Variants in FOCAD observed in about 807,000 individuals in gnomAD.
The protein encoded by FOCAD is focadhesin, also known as KIAA1797.
Under a neutral mutation model 225.6 loss-of-function variants are expected in FOCAD, and 198 were observed. The observed-to-expected ratio is 0.88, with a 90% CI of 0.78 to 0.99. FOCAD has a LOEUF of 0.99. FOCAD is among the 50% of genes least tolerant of loss of function. The pLI is 0.00. For synonymous variants in FOCAD, 897 were observed against 755.0 expected, an observed-to-expected ratio of 1.19 and a Z score of -3.08; for missense variants, 2,713 against 2,123.6, an observed-to-expected ratio of 1.28 and a Z score of -5.46.
chr9:20,948,298 A>G lies in FOCAD; in HGVS notation c.3703A>G (p.Asn1235Asp), dbSNP rs760676647. 4 of 1,611,488 alleles carry G rather than the reference A, an allele frequency of 2.5e-6. No individual in the cohort carries two copies. Among genetic ancestry groups the G allele is most frequent in the Non-Finnish European group, 2.5e-6 (3 of 1,178,324 alleles). ...TTCAGGTTTTGCCCTGGCTTTAGGA[A>G]ACATAGTTCATGGATTGTCTGTGTG... ...QTSGFALALG[N>D]IVHGLSVCGH... Residue 1235 changes from asparagine to aspartate, a missense_variant, in exon 31 of 44, where the codon AAC becomes GAC. Coordinates refer to ENST00000338382, the MANE Select transcript of FOCAD (RefSeq NM_001375567.1).
At chr9:20,668,810 TAAC>T (rs1223642345) in intron 2 of FOCAD, among the ~76,000 whole-genome samples, 2 of 152,178 alleles carry the variant, frequency 1.3e-5, no homozygotes, top group Non-Finnish European at 2.9e-5. Context: ...AGCTCAAAAG[TAAC>T]AACATTCTGG....
intron 15 of FOCAD, among the ~76,000 whole-genome samples, chr9:20,841,265 T>C (rs1027123533): frequency 1.3e-5 from 2 of 151,948 alleles, no homozygotes; most frequent in Non-Finnish European, 2.9e-5. Flanking sequence ...AGTACTTCTG[T>C]GTCCCCTATT....
chr9:20,816,921 G>T (rs1297801386), intron 11 of FOCAD, among the ~76,000 whole-genome samples: 1 of 152,110 alleles, frequency 6.6e-6, no homozygotes, highest in African/African-American at 2.4e-5. Context: ...TGTATGAAAG[G>T]ATGTGCATAG....
At chr9:20,739,346 G>A (rs563401103) in intron 4 of FOCAD, among the ~76,000 whole-genome samples, 2 of 152,294 alleles carry the variant, frequency 1.3e-5, no homozygotes, top group East Asian at 3.9e-4. Flanking sequence ...GCTCACACTT[G>A]TAATCCCAGC....
At chr9:20,982,325 T>C in intron 38 of FOCAD, 32 bp from the exon 39 acceptor site, 1 of 1,468,734 alleles carries the variant, frequency 6.8e-7, no homozygotes, top group African/African-American at 1.4e-5. Flanking sequence ...TTTACACTGT[T>C]TGTTGACATG....
intron 2 of FOCAD, among the ~76,000 whole-genome samples, chr9:20,675,071 T>C (rs936960087): frequency 4.6e-5 from 7 of 152,184 alleles, no homozygotes; most frequent in Non-Finnish European, 7.4e-5. Flanking sequence ...AAGACCCTCT[T>C]TTTCTGGTTA....
At chr9:20,734,476 A>C (rs1387531437) in intron 4 of FOCAD, among the ~76,000 whole-genome samples, 3 of 152,214 alleles carry the variant, frequency 2.0e-5, no homozygotes, top group African/African-American at 7.2e-5. Flanking sequence ...TTTTCCACAT[A>C]GTATGTGATG....
At chr9:20,733,146 A>G (rs1381702179) in intron 4 of FOCAD, among the ~76,000 whole-genome samples, 1 of 152,084 alleles carries the variant, frequency 6.6e-6, no homozygotes, top group Admixed American at 6.5e-5. Flanking sequence ...GTGTACCTCA[A>G]ACTCATAGAG....
chr9:20,802,898 A>G (rs563653945), intron 11 of FOCAD, among the ~76,000 whole-genome samples: 1 of 152,128 alleles, frequency 6.6e-6, no homozygotes, highest in South Asian at 2.1e-4. Flanking sequence ...ATCAGCAGGG[A>G]CTGGTACTTG....
At chr9:20,731,893 A>G (rs1041933046) in intron 4 of FOCAD, among the ~76,000 whole-genome samples, 2 of 152,218 alleles carry the variant, frequency 1.3e-5, no homozygotes, top group Non-Finnish European at 2.9e-5. Flanking sequence ...CTGGGATTAC[A>G]GGTGTGAGCC....
chr9:20,759,837 T>C (rs1214796243), intron 6 of FOCAD, among the ~76,000 whole-genome samples: 3 of 152,210 alleles, frequency 2.0e-5, no homozygotes, highest in Non-Finnish European at 4.4e-5. Flanking sequence ...ACAATACATA[T>C]AGGAGATAAG....
chr9:20,751,899 T>C (rs1000899950), intron 5 of FOCAD, among the ~76,000 whole-genome samples: 5 of 144,514 alleles, frequency 3.5e-5, no homozygotes, highest in African/African-American at 1.3e-4. Flanking sequence ...TGCATTTCTC[T>C]AAGGGCCAGT....
At chr9:20,867,641 A>G (rs1033942660) in intron 18 of FOCAD, among the ~76,000 whole-genome samples, 4 of 152,050 alleles carry the variant, frequency 2.6e-5, no homozygotes, top group African/African-American at 9.7e-5. Flanking sequence ...TCAGCTTTAA[A>G]TTAGTAGATC....
intron 5 of FOCAD, among the ~76,000 whole-genome samples, chr9:20,756,464 G>A (rs954297537): frequency 6.6e-6 from 1 of 152,138 alleles, no homozygotes; most frequent in Non-Finnish European, 1.5e-5. Flanking sequence ...GTTTTTACTT[G>A]TAGCAGTTCT....
intron 10 of FOCAD, among the ~76,000 whole-genome samples, chr9:20,787,707 C>G (rs1490806086): frequency 6.7e-6 from 1 of 149,960 alleles, no homozygotes; most frequent in Non-Finnish European, 1.5e-5. Context: ...TTTCACTCCC[C>G]AAAACAGAAG....
chr9:20,981,669 C>G lies in FOCAD; in HGVS notation c.4621C>G (p.Leu1541Val). 6.2e-7 allele frequency: 1 copy of G among 1,608,970 alleles called. No homozygotes were observed. Among genetic ancestry groups the G allele is most frequent in the African/African-American group, 1.3e-5 (1 of 74,808 alleles). ...AGCTACTGGGAAAATTTTTGACCTCCTGCCAAATAAGATTCGGGTGAGGAA... is the reference window on the plus strand; with the variant it reads ...AGCTACTGGGAAAATTTTTGACCTCGTGCCAAATAAGATTCGGGTGAGGAA... The part of the protein sequence containing the change: ...SEATGKIFDL[L>V]PNKIRRKDLE... Residue 1541 changes from leucine (L) to valine (V), a missense_variant, in exon 38 of 44, where the codon CTG becomes GTG. Transcript: ENST00000338382.
intron 4 of FOCAD, among the ~76,000 whole-genome samples, chr9:20,723,432 G>C (rs576700684): frequency 6.6e-6 from 1 of 152,204 alleles, no homozygotes; most frequent in Non-Finnish European, 1.5e-5. Context: ...ATCTTGCAGC[G>C]AGCTGAAGCT....
chr9:20,809,540 C>A, intron 11 of FOCAD, among the ~76,000 whole-genome samples: 1 of 152,246 alleles, frequency 6.6e-6, no homozygotes, highest in East Asian at 1.9e-4. Flanking sequence ...CTCTCTTCTT[C>A]TGAACAATGA....
intron 41 of FOCAD, 117 bp downstream of exon 41, chr9:20,988,546 C>T (rs1176154678): frequency 2.7e-6 from 1 of 364,366 alleles, no homozygotes; most frequent in Non-Finnish European, 5.1e-6. Context: ...ACTTTTGCAC[C>T]AACCTAAAAT....
Sources: allele counts gnomAD v4.1 joint callset (sites outside exome capture counted in the v4.1 genomes callset), GRCh38; gene constraint gnomAD v4.1.1; transcripts MANE v1.5; gene names NCBI Gene and HGNC (gene_info 2026-07-23, HGNC 2026-07-21).